AOPEP: variants seen among roughly 807,000 people sequenced by gnomAD.
AOPEP encodes aminopeptidase O.
Under a neutral mutation model 98.1 loss-of-function variants are expected in AOPEP, and 77 were observed. The observed-to-expected ratio is 0.78, with a 90% CI of 0.65 to 0.95. The LOEUF is 0.95. AOPEP is among the 40% of genes least tolerant of loss of function. The probability of loss-of-function intolerance (pLI) is 0.00; values close to 1 mark genes in which losing one functional copy is unlikely to be tolerated. For synonymous variants in AOPEP, 346 were observed against 365.3 expected (o/e 0.95, Z 0.60); for missense variants, 1,024 against 1,024.7 (o/e 1.00, Z 0.01).
chr9:94,997,380 C>T (rs1175122232), intron 11 of AOPEP, among the ~76,000 whole-genome samples: 1 of 152,208 alleles, frequency 6.6e-6, no homozygotes, highest in Non-Finnish European at 1.5e-5. Context: ...GAGTGGCTAT[C>T]ATCTGTGGCA....
At chr9:94,916,698 AAAAAAAAAAAATT>A (rs2052855949) in intron 5 of AOPEP, among the ~76,000 whole-genome samples, 1 of 149,722 alleles carries the variant, frequency 6.7e-6, no homozygotes, top group African/African-American at 2.5e-5. Flanking sequence ...CCCTCTCAAA[AAAAAAAAAAAATT>A]AAATAAATAA....
chr9:94,839,845 T>A (rs1394875509), intron 5 of AOPEP, among the ~76,000 whole-genome samples: 2 of 152,148 alleles, frequency 1.3e-5, no homozygotes, highest in East Asian at 3.9e-4. Flanking sequence ...GATAGCTCAC[T>A]ACAGTGTCAA....
intron 5 of AOPEP, among the ~76,000 whole-genome samples, chr9:94,852,636 C>G (rs1451801736): frequency 6.6e-6 from 1 of 152,234 alleles, no homozygotes; most frequent in East Asian, 1.9e-4. Context: ...GGGATCCCCC[C>G]ACCACCATAC....
chr9:95,044,588 A>T (rs1564566421), intron 13 of AOPEP, among the ~76,000 whole-genome samples: 1 of 152,154 alleles, frequency 6.6e-6, no homozygotes, highest in Non-Finnish European at 1.5e-5. Context: ...GTTCTTGAAA[A>T]ACGTGACCCC....
chr9:95,118,726 G>A, the AOPEP span, among the ~76,000 whole-genome samples: 1 of 152,190 alleles, frequency 6.6e-6, no homozygotes, highest in African/African-American at 2.4e-5. Context: ...ATTAAGCCAC[G>A]TTATTGTGTG....
chr9:94,841,374 G>A (rs752082261), intron 5 of AOPEP, among the ~76,000 whole-genome samples: 14 of 151,990 alleles, frequency 9.2e-5, no homozygotes, highest in Non-Finnish European at 1.8e-4. Flanking sequence ...GGGTTTCACC[G>A]TGTTATCCAG....
At chr9:95,092,078 GTGTGCACACACA>G (rs1220795464), downstream of AOPEP, among the ~76,000 whole-genome samples, 1 of 149,106 alleles carries the variant, frequency 6.7e-6, no homozygotes, top group African/African-American at 2.5e-5. Context: ...GTGTGTGTGT[GTGTGCACACACA>G]CACACACTAG....
intron 5 of AOPEP, among the ~76,000 whole-genome samples, chr9:94,843,839 A>G (rs10121865): frequency 0.77 from 117,761 of 152,132 alleles, 47,318 homozygotes; most frequent in Non-Finnish European, 0.89. Context: ...TCCCTCAAAT[A>G]TACCTTCCCA....
chr9:95,006,297 GT>G lies in AOPEP; in HGVS notation c.2115+688del, dbSNP rs201504040. The G allele has an allele frequency of 2.1e-3, 658 of 316,350 alleles. 5 individuals carry two copies. In the East Asian group the frequency reaches 0.032, roughly 16 times the overall value. 19.6% of individuals were successfully genotyped at this position (316,350 alleles called of 1,614,324 possible). A position where few individuals can be genotyped will look rare whatever the true frequency, so the allele number is the denominator to read the frequency against. ...TTTTGACAAATATTACAGCAGATAGGTTTTTTTGTTGCTTTTGCTTAATTAC... is the reference window on the plus strand; with the variant it reads ...TTTTGACAAATATTACAGCAGATAGGTTTTTTGTTGCTTTTGCTTAATTAC... On this transcript the variant is annotated intron_variant, in intron 13 of 16. Transcript: ENST00000375315.
At chr9:94,944,118 T>G (rs1410459544) in intron 7 of AOPEP, among the ~76,000 whole-genome samples, 1 of 152,040 alleles carries the variant, frequency 6.6e-6, no homozygotes, top group African/African-American at 2.4e-5. Context: ...TAAAAATCAG[T>G]GAGGACTTGG....
intron 3 of AOPEP, among the ~76,000 whole-genome samples, chr9:94,779,484 A>G (rs531061833): frequency 6.6e-6 from 1 of 152,316 alleles, no homozygotes; most frequent in African/African-American, 2.4e-5. Flanking sequence ...ATGATTTACC[A>G]CAGTTGACCT....
At chr9:95,148,851 C>T in the AOPEP span, among the ~76,000 whole-genome samples, 149 of 152,312 alleles carry the variant, frequency 9.8e-4, 2 homozygotes, top group African/African-American at 3.5e-3. Context: ...TGACCATTTT[C>T]AAATTTTGGT....
chr9:94,790,543 G>A (rs2133402541), intron 3 of AOPEP, among the ~76,000 whole-genome samples: 1 of 152,290 alleles, frequency 6.6e-6, no homozygotes, highest in East Asian at 1.9e-4. Flanking sequence ...TTCCAGGCAA[G>A]TTGGAGAGAA....
intron 5 of AOPEP, among the ~76,000 whole-genome samples, chr9:94,804,821 C>A (rs1394631975): frequency 2.0e-5 from 3 of 152,094 alleles, no homozygotes; most frequent in African/African-American, 7.2e-5. Context: ...AAAATAAAAT[C>A]AAGTAAGTGT....
chr9:95,108,329 G>T, the AOPEP span, among the ~76,000 whole-genome samples: 3 of 152,198 alleles, frequency 2.0e-5, no homozygotes, highest in Non-Finnish European at 4.4e-5. Context: ...CCCCTCAGCC[G>T]GCCCAGCCTG....
chr9:95,085,818 C>A (rs2134322128), intron 16 of AOPEP: 1 of 1,011,214 alleles, frequency 9.9e-7, no homozygotes, highest in Non-Finnish European at 1.3e-6. Context: ...AAATGCATCA[C>A]CTAAGTCGTG....
At chr9:94,921,958 G>A (rs574386176) in intron 5 of AOPEP, among the ~76,000 whole-genome samples, 9 of 152,266 alleles carry the variant, frequency 5.9e-5, no homozygotes, top group African/African-American at 2.2e-4. Context: ...GGAAATTTAG[G>A]TGGAATTCTG....
intron 11 of AOPEP, among the ~76,000 whole-genome samples, chr9:95,002,721 C>A (rs949741479): frequency 6.6e-6 from 1 of 152,146 alleles, no homozygotes; most frequent in African/African-American, 2.4e-5. Flanking sequence ...TCTGCAAAAG[C>A]GCTGCTTAAA....
At chr9:94,854,595 A>C (rs142363793) in intron 5 of AOPEP, among the ~76,000 whole-genome samples, 1 of 152,338 alleles carries the variant, frequency 6.6e-6, no homozygotes, top group East Asian at 1.9e-4. Flanking sequence ...TTCCTTAGTC[A>C]AAGAACTAAT....
Sources: gnomAD v4.1 joint callset for allele counts (sites outside exome capture counted in the v4.1 genomes callset) on GRCh38, gnomAD v4.1.1 for gene constraint, MANE v1.5 for transcripts, NCBI Gene and HGNC (gene_info 2026-07-23, HGNC 2026-07-21) for gene names.